EXT1: variants seen among roughly 807,000 people sequenced by gnomAD.
EXT1 encodes exostosin-1.
In EXT1, 20 loss-of-function variants were observed where a neutral mutation model predicts 82.5. That is an observed-to-expected ratio of 0.24 (90% CI 0.17 to 0.35). EXT1 has a LOEUF of 0.35. Ranked by LOEUF, EXT1 falls within the 10% of genes least tolerant of loss-of-function variation. EXT1 has a pLI of 1.00. For synonymous variants in EXT1, 348 were observed against 350.8 expected (o/e 0.99, Z 0.09); for missense variants, 757 against 936.5 (o/e 0.81, Z 2.50).
In EXT1 at chr8:117,837,275, C is replaced by A. The variant is rs1342268873; in HGVS notation, c.963-74G>T. ...TGGGGATATTGACCATAGGTGGGCG[C>A]CCATGTGCATGAATTTACGCAAAGC... On this transcript the variant is annotated intron_variant, in intron 1 of 10. Coordinates refer to ENST00000378204, the MANE Select transcript of EXT1 (RefSeq NM_000127.3). The A allele has an allele frequency of 5.7e-6, 7 of 1,238,650 alleles. No individual in the cohort carries two copies. In the Admixed American group the frequency reaches 1.2e-4, roughly 21 times the overall value. 76.7% of individuals were successfully genotyped at this position (1,238,650 alleles called of 1,614,324 possible).
chr8:118,012,215 C>T (rs576487418), intron 1 of EXT1, among the ~76,000 whole-genome samples: 2 of 152,228 alleles, frequency 1.3e-5, no homozygotes, highest in Non-Finnish European at 2.9e-5. Context: ...TGCCAGTTTT[C>T]GGTGCAAAGC....
chr8:117,841,268 A>G lies in EXT1; in HGVS notation c.963-4067T>C, dbSNP rs540187024. 4.2e-4 allele frequency among the ~76,000 whole-genome samples: 64 copies of G among 152,298 alleles called. 1 individual carries two copies. Among genetic ancestry groups the G allele is most frequent in the African/African-American group, 1.5e-3 (63 of 41,548 alleles). ...GGACAAACTATTGATACACACGACAACTTCAAGGAAATTATGCTGCATTAA... is the reference window on the plus strand; with the variant it reads ...GGACAAACTATTGATACACACGACAGCTTCAAGGAAATTATGCTGCATTAA... On this transcript the variant is annotated intron_variant, in intron 1 of 10. Transcript: ENST00000378204.
rs141195338 is a variant in EXT1, at chr8:118,099,584, G to T, written c.962+10501C>A. 1.0e-3 allele frequency among the ~76,000 whole-genome samples: 153 copies of T among 152,326 alleles called. 1 individual carries two copies. Among genetic ancestry groups the T allele is most frequent in the Middle Eastern group, 3.4e-3 (1 of 294 alleles). ...TACGGTGCTGTGGTTAAGGACACAG[G>T]TTCAAAAGTCAGAGGGCCTCAGTTC... On this transcript the variant is annotated intron_variant, in intron 1 of 10. Transcript: ENST00000378204.
At chr8:118,012,884 C>T (rs2129838762) in intron 1 of EXT1, among the ~76,000 whole-genome samples, 1 of 152,276 alleles carries the variant, frequency 6.6e-6, no homozygotes, top group South Asian at 2.1e-4. Flanking sequence ...AAAGCCTTTT[C>T]CTAAATTTGT....
chr8:117,934,013 C>T (rs1206610190), intron 1 of EXT1, among the ~76,000 whole-genome samples: 1 of 152,094 alleles, frequency 6.6e-6, no homozygotes, highest in Admixed American at 6.5e-5. Context: ...CCTCTATCTC[C>T]TGCCTCAAAT....
At chr8:118,073,968 T>C (rs1465339391) in intron 1 of EXT1, among the ~76,000 whole-genome samples, 1 of 152,126 alleles carries the variant, frequency 6.6e-6, no homozygotes. Context: ...GGAACCTTCC[T>C]TCTCAGTTAA....
chr8:117,870,427 G>A (rs769009860), intron 1 of EXT1, among the ~76,000 whole-genome samples: 2 of 150,554 alleles, frequency 1.3e-5, no homozygotes, highest in Non-Finnish European at 2.9e-5. Flanking sequence ...TAGGCACAGG[G>A]GATACAAAGG....
At chr8:117,844,615 T>C (rs1183561748) in intron 1 of EXT1, among the ~76,000 whole-genome samples, 2 of 152,106 alleles carry the variant, frequency 1.3e-5, no homozygotes, top group Non-Finnish European at 2.9e-5. Flanking sequence ...TTAGGAGACT[T>C]GAAAACATAG....
At chr8:118,082,624 G>A (rs144359956) in intron 1 of EXT1, among the ~76,000 whole-genome samples, 266 of 152,286 alleles carry the variant, frequency 1.7e-3, no homozygotes, top group African/African-American at 6.2e-3. Flanking sequence ...AGAAACAGAT[G>A]GGCAAAATTT....
intron 1 of EXT1, among the ~76,000 whole-genome samples, chr8:117,907,022 C>A (rs1043863180): frequency 7.3e-6 from 1 of 137,580 alleles, no homozygotes; most frequent in Non-Finnish European, 1.6e-5. Context: ...ATTAAGATGG[C>A]CCAAACCATG....
At chr8:117,808,571 C>A (rs1823269761) in intron 8 of EXT1, among the ~76,000 whole-genome samples, 2 of 152,188 alleles carry the variant, frequency 1.3e-5, no homozygotes, top group African/African-American at 4.8e-5. Flanking sequence ...GTTATCTTTG[C>A]CGTATCTCTT....
chr8:117,926,971 C>A (rs1813964109), intron 1 of EXT1, among the ~76,000 whole-genome samples: 1 of 152,234 alleles, frequency 6.6e-6, no homozygotes, highest in Admixed American at 6.5e-5. Flanking sequence ...GTTTCACCAA[C>A]ACCCAAATGT....
chr8:117,846,305 A>C (rs998768045), intron 1 of EXT1, among the ~76,000 whole-genome samples: 1 of 151,724 alleles, frequency 6.6e-6, no homozygotes, highest in Admixed American at 6.6e-5. Context: ...ATGGGGTTTC[A>C]TCATGTTGGT....
At chr8:118,045,669 C>T (rs1380381586) in intron 1 of EXT1, among the ~76,000 whole-genome samples, 1 of 152,016 alleles carries the variant, frequency 6.6e-6, no homozygotes, top group East Asian at 1.9e-4. Flanking sequence ...CCACCCTCCT[C>T]CCACCTGCCA....
At chr8:117,861,915 C>T (rs1428387808) in intron 1 of EXT1, among the ~76,000 whole-genome samples, 1 of 145,378 alleles carries the variant, frequency 6.9e-6, no homozygotes, top group African/African-American at 2.4e-5. Flanking sequence ...ATCTGGTGAA[C>T]ATAATGCACA....
chr8:117,813,148 C>A (rs1161647729), intron 7 of EXT1, among the ~76,000 whole-genome samples, 187 bp from the exon 8 acceptor site: 1 of 152,200 alleles, frequency 6.6e-6, no homozygotes, highest in Non-Finnish European at 1.5e-5. Flanking sequence ...AATTATTGGG[C>A]ACCTACTGTG....
At chr8:117,869,207 T>C (rs4876765) in intron 1 of EXT1, among the ~76,000 whole-genome samples, 76,397 of 152,044 alleles carry the variant, frequency 0.5, 20,413 homozygotes, top group African/African-American at 0.69. Context: ...CCTGCCTCCA[T>C]ATCCACCATG....
chr8:117,965,516 A>G (rs1181951742), intron 1 of EXT1, among the ~76,000 whole-genome samples: 1 of 152,150 alleles, frequency 6.6e-6, no homozygotes, highest in African/African-American at 2.4e-5. Context: ...GTCTCTGATT[A>G]AATAGTTTCA....
intron 1 of EXT1, among the ~76,000 whole-genome samples, chr8:117,987,676 A>G (rs1815349270): frequency 6.6e-6 from 1 of 152,246 alleles, no homozygotes; most frequent in South Asian, 2.1e-4. Context: ...ACCTCTTAAC[A>G]TAACAGGAAG....
Sources: gnomAD v4.1 joint callset for allele counts (sites outside exome capture counted in the v4.1 genomes callset) on GRCh38, gnomAD v4.1.1 for gene constraint, MANE v1.5 for transcripts, NCBI Gene and HGNC (gene_info 2026-07-23, HGNC 2026-07-21) for gene names.